The following LHFPL3 variants were observed in gnomAD, a reference collection of about 807,000 sequenced individuals.
The protein encoded by LHFPL3 is LHFPL tetraspan subfamily member 3 protein.
Under a neutral mutation model 19.3 loss-of-function variants are expected in LHFPL3, and 5 were observed. The ratio of observed to expected loss-of-function variants is 0.26; its 90% CI spans 0.14 to 0.54. LHFPL3 has a LOEUF of 0.54. Among genes scored for constraint, LHFPL3 ranks in the 20% least tolerant of loss-of-function variants. The pLI, the probability that LHFPL3 is intolerant of heterozygous loss-of-function variation, is 0.94. For missense variants in LHFPL3, 249 were observed against 307.4 expected (o/e 0.81, Z 1.42); for synonymous variants, 133 against 126.2 (o/e 1.05, Z -0.36).
intron 1 of LHFPL3, among the ~76,000 whole-genome samples, chr7:104,503,286 G>T (rs1793636129): frequency 6.6e-6 from 1 of 152,052 alleles, no homozygotes; most frequent in African/African-American, 2.4e-5. Context: ...GTAAAAAGAA[G>T]CAAACACACG....
rs114795776 is a variant in LHFPL3 at position 104,549,274 on chromosome 7, A to T, written c.446-187401A>T. On this transcript the variant is annotated intron_variant, in intron 1 of 2. Transcript: ENST00000424859. Reference sequence around the variant, plus strand: ...TCTCTCTCCATATGCACACATACATATATATATGTTCTCACGACAATCTGA... The same window carrying T: ...TCTCTCTCCATATGCACACATACATTTATATATGTTCTCACGACAATCTGA... Among the ~76,000 whole-genome samples the T allele has an allele frequency of 9.5e-3, 1,441 of 151,728 alleles. 23 individuals carry two copies. Among genetic ancestry groups the T allele is most frequent in the African/African-American group, 0.033 (1,363 of 41,100 alleles).
intron 2 of LHFPL3, among the ~76,000 whole-genome samples, chr7:104,779,289 T>C (rs1794681001): frequency 6.6e-6 from 1 of 152,216 alleles, no homozygotes. Flanking sequence ...TCCCATAACA[T>C]AATCACTCTC....
At chr7:104,590,954 T>G (rs1238432543) in intron 1 of LHFPL3, among the ~76,000 whole-genome samples, 1 of 152,200 alleles carries the variant, frequency 6.6e-6, no homozygotes, top group Admixed American at 6.5e-5. Context: ...TTTTTTGCTT[T>G]CCATTTGCTT....
chr7:104,521,322 A>T (rs1562924271), intron 1 of LHFPL3, among the ~76,000 whole-genome samples: 1 of 152,166 alleles, frequency 6.6e-6, no homozygotes, highest in Non-Finnish European at 1.5e-5. Flanking sequence ...ATAGTTTGTT[A>T]TAATTTCTGT....
At chr7:104,804,332 A>C (rs1180871776) in intron 2 of LHFPL3, among the ~76,000 whole-genome samples, 1 of 152,212 alleles carries the variant, frequency 6.6e-6, no homozygotes, top group Non-Finnish European at 1.5e-5. Context: ...AGGAAAATCT[A>C]GGTATAATTA....
At chr7:104,430,380 A>ATG (rs1791939879) in intron 1 of LHFPL3, among the ~76,000 whole-genome samples, 2 of 47,640 alleles carry the variant, frequency 4.2e-5, no homozygotes, top group African/African-American at 1.5e-4. Flanking sequence ...GTATATATAT[A>ATG]TACATATATA....
chr7:104,739,996 T>C (rs1159641919), intron 2 of LHFPL3, among the ~76,000 whole-genome samples: 1 of 152,134 alleles, frequency 6.6e-6, no homozygotes. Flanking sequence ...AGGGACCTCA[T>C]GGGAAGTGAT....
chr7:104,339,429 A>C (rs1039353839), intron 1 of LHFPL3, among the ~76,000 whole-genome samples: 3 of 152,164 alleles, frequency 2.0e-5, no homozygotes, highest in African/African-American at 7.2e-5. Context: ...TCATAGAGAC[A>C]ATAGGTGGTT....
At chr7:104,576,983 C>T (rs1222399973) in intron 1 of LHFPL3, among the ~76,000 whole-genome samples, 4 of 152,194 alleles carry the variant, frequency 2.6e-5, no homozygotes, top group African/African-American at 9.7e-5. Flanking sequence ...TGGGCTCTAT[C>T]TCCATTCTTC....
intron 2 of LHFPL3, among the ~76,000 whole-genome samples, chr7:104,800,520 T>G (rs1203854906): frequency 6.6e-6 from 1 of 152,214 alleles, no homozygotes; most frequent in Non-Finnish European, 1.5e-5. Context: ...CCAGTAACTC[T>G]GGCCACAATC....
At chr7:104,408,194 A>C (rs1158760570) in intron 1 of LHFPL3, among the ~76,000 whole-genome samples, 2 of 152,154 alleles carry the variant, frequency 1.3e-5, no homozygotes, top group Admixed American at 6.5e-5. Context: ...AATATTTGGG[A>C]TCTTTGACTC....
intron 1 of LHFPL3, among the ~76,000 whole-genome samples, chr7:104,429,892 T>C (rs1461395862): frequency 1.3e-5 from 2 of 152,048 alleles, no homozygotes; most frequent in Non-Finnish European, 2.9e-5. Context: ...CATGTGGACA[T>C]GTGGTTTAGG....
intron 2 of LHFPL3, among the ~76,000 whole-genome samples, chr7:104,755,595 C>CAT: frequency 6.6e-6 from 1 of 151,858 alleles, no homozygotes; most frequent in Non-Finnish European, 1.5e-5. Flanking sequence ...CACACACACA[C>CAT]ACACACAGAG....
Position 104,674,370 on chromosome 7 carries a change from T to C in LHFPL3, c.446-62305T>C, listed in dbSNP as rs560060284. Among the ~76,000 whole-genome samples, 540 of 149,916 alleles carry C rather than the reference T, an allele frequency of 3.6e-3. 2 individuals carry two copies. Among genetic ancestry groups the C allele is most frequent in the Non-Finnish European group, 4.9e-3 (331 of 67,670 alleles). On this transcript the variant is annotated intron_variant, in intron 1 of 2. Coordinates refer to ENST00000424859, the MANE Select transcript of LHFPL3 (RefSeq NM_199000.3). Reference sequence around the variant, plus strand: ...GGACTTCCTGTTTTTCTTTTTCTTTTTCTTTTTTTTTTTTTTTTTGACGGA... The same window carrying C: ...GGACTTCCTGTTTTTCTTTTTCTTTCTCTTTTTTTTTTTTTTTTTGACGGA...
intron 2 of LHFPL3, among the ~76,000 whole-genome samples, chr7:104,769,524 A>G (rs563018284): frequency 6.6e-6 from 1 of 152,290 alleles, no homozygotes; most frequent in Non-Finnish European, 1.5e-5. Flanking sequence ...TTTGTTACAT[A>G]GGTATACACG....
At chr7:104,666,663 AGGCGCCC>A (rs1304542824) in intron 1 of LHFPL3, among the ~76,000 whole-genome samples, 2 of 147,794 alleles carry the variant, frequency 1.4e-5, no homozygotes, top group African/African-American at 4.9e-5. Flanking sequence ...CTGGGACTAC[AGGCGCCC>A]GCCACTACGC....
At chr7:104,401,158 A>G (rs73403859) in intron 1 of LHFPL3, among the ~76,000 whole-genome samples, 6,204 of 152,278 alleles carry the variant, frequency 0.041, 439 homozygotes, top group African/African-American at 0.14. Context: ...AATCAGTTAT[A>G]TGTGGAGAAA....
chr7:104,543,686 G>T (rs1342315308), intron 1 of LHFPL3, among the ~76,000 whole-genome samples: 1 of 142,964 alleles, frequency 7.0e-6, no homozygotes, highest in African/African-American at 2.6e-5. Context: ...AACACCACAT[G>T]TTCTCACTCA....
chr7:104,480,382 A>G (rs1793110136), intron 1 of LHFPL3, among the ~76,000 whole-genome samples: 1 of 152,184 alleles, frequency 6.6e-6, no homozygotes, highest in Admixed American at 6.5e-5. Context: ...AACTCAAGTG[A>G]ATGCAAAACT....
Sources: allele counts gnomAD v4.1 joint callset (sites outside exome capture counted in the v4.1 genomes callset), GRCh38; gene constraint gnomAD v4.1.1; transcripts MANE v1.5; gene names NCBI Gene and HGNC (gene_info 2026-07-23, HGNC 2026-07-21).